Variants in CAST observed in about 807,000 individuals in gnomAD.
The protein encoded by CAST is MIR583 host.
Under a neutral mutation model 119.6 loss-of-function variants are expected in CAST, and 76 were observed. The observed-to-expected ratio is 0.64, with a 90% CI of 0.53 to 0.77. The LOEUF (loss-of-function observed/expected upper bound fraction) is 0.77. Ranked by LOEUF, CAST falls within the 30% of genes least tolerant of loss-of-function variation. The pLI is 0.00. For synonymous variants in CAST, 319 were observed against 331.6 expected (o/e 0.96, Z 0.41); for missense variants, 953 against 946.5 (o/e 1.01, Z -0.09).
the CAST span, among the ~76,000 whole-genome samples, chr5:96,133,594 G>T: frequency 1.3e-4 from 20 of 152,240 alleles, no homozygotes; most frequent in Admixed American, 3.9e-4. Flanking sequence ...TTGTGCTTAT[G>T]GTTCTGAGTT....
intron 2 of CAST, among the ~76,000 whole-genome samples, chr5:96,685,429 C>G (rs1045381175): frequency 6.0e-4 from 92 of 152,192 alleles, no homozygotes; most frequent in Non-Finnish European, 6.6e-4. Flanking sequence ...AGCAAGATAT[C>G]TGTCTTATCT....
the CAST span, among the ~76,000 whole-genome samples, chr5:96,339,767 T>G: frequency 6.6e-6 from 1 of 152,164 alleles, no homozygotes; most frequent in African/African-American, 2.4e-5. Context: ...CAGGAACTCT[T>G]CTGTGTTTGA....
intron 1 of CAST, among the ~76,000 whole-genome samples, chr5:96,623,399 G>C (rs916538317): frequency 1.3e-5 from 2 of 152,094 alleles, no homozygotes; most frequent in Non-Finnish European, 2.9e-5. Flanking sequence ...AATAATAATA[G>C]CTGCCCAGCA....
At chr5:96,350,235 G>A in the CAST span, among the ~76,000 whole-genome samples, 2 of 152,144 alleles carry the variant, frequency 1.3e-5, no homozygotes, top group Non-Finnish European at 2.9e-5. Context: ...TTGTTAGAAG[G>A]TGTGTGTAGA....
At chr5:96,590,658 A>G (rs564174039) in intron 1 of CAST, among the ~76,000 whole-genome samples, 4 of 152,348 alleles carry the variant, frequency 2.6e-5, no homozygotes, top group Non-Finnish European at 4.4e-5. Context: ...AAATAGAAGT[A>G]GGAAGTCAAA....
chr5:96,549,707 A>G (rs947776691), intron 1 of CAST, among the ~76,000 whole-genome samples: 3 of 152,216 alleles, frequency 2.0e-5, no homozygotes, highest in Admixed American at 1.3e-4. Context: ...CACTTTTCCC[A>G]TGGTCTTCGC....
chr5:96,171,656 G>A, the CAST span, among the ~76,000 whole-genome samples: 1 of 152,228 alleles, frequency 6.6e-6, no homozygotes, highest in Non-Finnish European at 1.5e-5. Context: ...GATAAAATGT[G>A]TCTCCTTTGT....
chr5:96,758,223 C>T (rs1477808952), intron 24 of CAST, among the ~76,000 whole-genome samples: 1 of 152,192 alleles, frequency 6.6e-6, no homozygotes, highest in Non-Finnish European at 1.5e-5. Context: ...TCCAAAATTA[C>T]TCCTCAGACA....
At chr5:96,253,678 T>G in the CAST span, among the ~76,000 whole-genome samples, 1 of 152,092 alleles carries the variant, frequency 6.6e-6, no homozygotes, top group Non-Finnish European at 1.5e-5. Context: ...CTGGCATCAT[T>G]CTATTATTAT....
chr5:96,239,422 G>T, the CAST span, among the ~76,000 whole-genome samples: 2 of 152,044 alleles, frequency 1.3e-5, no homozygotes, highest in Admixed American at 1.3e-4. Flanking sequence ...TTTGACCCTA[G>T]AGTTAATTAG....
the CAST span, among the ~76,000 whole-genome samples, chr5:95,979,601 A>G: frequency 6.6e-6 from 1 of 152,198 alleles, no homozygotes; most frequent in African/African-American, 2.4e-5. Flanking sequence ...AAAGTACAGG[A>G]TCTCAAAAAT....
In CAST at chr5:96,770,614, A is replaced by G; in HGVS notation, c.2340+12A>G. The G allele has an allele frequency of 6.3e-7, 1 of 1,575,254 alleles. No homozygotes were observed. ...AGGATTCAGCAAAGGTAAATGGAGC[A>G]GTAAATATACTACAAATTAGTTTAG... On this transcript the variant is annotated intron_variant, in intron 30 of 31. Coordinates refer to ENST00000675179, the MANE Select transcript of CAST (RefSeq NM_001750.7).
the CAST span, among the ~76,000 whole-genome samples, chr5:96,160,070 G>A: frequency 6.6e-6 from 1 of 151,884 alleles, no homozygotes; most frequent in Non-Finnish European, 1.5e-5. Flanking sequence ...AACCTGGGAG[G>A]CAGAGGTTGC....
intron 1 of CAST, among the ~76,000 whole-genome samples, chr5:96,593,045 G>A (rs895414670): frequency 8.5e-5 from 13 of 152,194 alleles, no homozygotes; most frequent in African/African-American, 2.4e-4. Context: ...GATTACAGGC[G>A]TGAGCCACTG....
chr5:96,579,338 C>A (rs1372316832), intron 1 of CAST, among the ~76,000 whole-genome samples: 4 of 152,144 alleles, frequency 2.6e-5, no homozygotes, highest in African/African-American at 9.7e-5. Context: ...ATCCCTCTTG[C>A]CAGTTTCTCC....
the CAST span, among the ~76,000 whole-genome samples, chr5:96,424,460 G>A: frequency 3.9e-5 from 6 of 152,156 alleles, no homozygotes; most frequent in Non-Finnish European, 8.8e-5. Context: ...ACCACTAGCA[G>A]CCATGGATTT....
chr5:96,576,001 T>C (rs1330834743), intron 1 of CAST, among the ~76,000 whole-genome samples: 1 of 152,232 alleles, frequency 6.6e-6, no homozygotes, highest in African/African-American at 2.4e-5. Context: ...CTTGTTGATA[T>C]GGTTGATTAT....
At chr5:96,328,298 A>T in the CAST span, among the ~76,000 whole-genome samples, 1 of 151,782 alleles carries the variant, frequency 6.6e-6, no homozygotes, top group Admixed American at 6.6e-5. Context: ...CACTGGATGG[A>T]GTTATCTTCT....
At chr5:96,195,743 A>G in the CAST span, among the ~76,000 whole-genome samples, 1 of 152,228 alleles carries the variant, frequency 6.6e-6, no homozygotes, top group Non-Finnish European at 1.5e-5. Flanking sequence ...ATTATAAAAT[A>G]TGGATGCGCA....
Sources: allele counts gnomAD v4.1 joint callset (sites outside exome capture counted in the v4.1 genomes callset), GRCh38; gene constraint gnomAD v4.1.1; transcripts MANE v1.5; gene names NCBI Gene and HGNC (gene_info 2026-07-23, HGNC 2026-07-21).